L3MBTL4: variants seen among roughly 807,000 people sequenced by gnomAD.
L3MBTL4 encodes lethal(3)malignant brain tumor-like protein 4.
Under a neutral mutation model 84.5 loss-of-function variants are expected in L3MBTL4, and 70 were observed. That is an observed-to-expected ratio of 0.83 (90% CI 0.68 to 1.01). The LOEUF (loss-of-function observed/expected upper bound fraction) is 1.01, where lower values mean the gene tolerates loss of function less well. Among genes scored for constraint, L3MBTL4 ranks in the 50% least tolerant of loss-of-function variants. The pLI is 0.00. For synonymous variants in L3MBTL4, 274 were observed against 259.8 expected, an observed-to-expected ratio of 1.05 and a Z score of -0.52; for missense variants, 715 against 754.8, an observed-to-expected ratio of 0.95 and a Z score of 0.62.
At chr18:5,957,453 T>C (rs1487170029) in intron 18 of L3MBTL4, among the ~76,000 whole-genome samples, 20 of 151,734 alleles carry the variant, frequency 1.3e-4, no homozygotes, top group Admixed American at 1.3e-3. Context: ...AGGATGGCAG[T>C]GGCCACCGTG....
intron 14 of L3MBTL4, among the ~76,000 whole-genome samples, chr18:6,132,877 AGGCAAGCT>A (rs1184652573): frequency 6.6e-6 from 1 of 152,102 alleles, no homozygotes; most frequent in Non-Finnish European, 1.5e-5. Flanking sequence ...CCAGCGCAGG[AGGCAAGCT>A]GGCTTTGCTG....
chr18:6,358,389 C>T (rs929463409), intron 1 of L3MBTL4, among the ~76,000 whole-genome samples: 9 of 152,192 alleles, frequency 5.9e-5, no homozygotes, highest in African/African-American at 2.2e-4. Context: ...GGGCTGAGCT[C>T]ACACACTCCA....
Position 6,213,277 on chromosome 18 carries a change from A to C in L3MBTL4, c.871-18T>G. 5.6e-6 allele frequency: 8 copies of C among 1,420,962 alleles called. No homozygotes were observed. Among genetic ancestry groups the C allele is most frequent in the Non-Finnish European group, 7.8e-6 (8 of 1,026,562 alleles). The allele number at this position is 1,420,962 out of a possible 1,614,324, so 88.0% of individuals were successfully genotyped here. A position where few individuals can be genotyped will look rare whatever the true frequency, so the allele number is the denominator to read the frequency against. On this transcript the variant is annotated intron_variant, in intron 11 of 18. Transcript: ENST00000317931. ...GGCAACCTCTGTAAATGTTATTATA[A>C]GTACAACAAATCATGCAAAATTCAG...
chr18:6,296,252 TAATA>T (rs2050105867), intron 4 of L3MBTL4, among the ~76,000 whole-genome samples: 2 of 152,198 alleles, frequency 1.3e-5, no homozygotes, highest in African/African-American at 4.8e-5. Flanking sequence ...TACTCCCTGA[TAATA>T]AGTTAACCAC....
At chr18:6,409,772 T>C (rs1273707108) in intron 1 of L3MBTL4, among the ~76,000 whole-genome samples, 1 of 152,162 alleles carries the variant, frequency 6.6e-6, no homozygotes, top group Admixed American at 6.5e-5. Context: ...CTACACCAAG[T>C]TGTCACCTTA....
At chr18:6,022,935 C>T (rs998169585) in intron 16 of L3MBTL4, among the ~76,000 whole-genome samples, 1 of 152,316 alleles carries the variant, frequency 6.6e-6, no homozygotes, top group East Asian at 1.9e-4. Flanking sequence ...TTTGACTCTT[C>T]CCACCCTCAC....
At chr18:6,265,317 T>G (rs2048582877) in intron 4 of L3MBTL4, among the ~76,000 whole-genome samples, 1 of 152,216 alleles carries the variant, frequency 6.6e-6, no homozygotes, top group African/African-American at 2.4e-5. Flanking sequence ...TTATCATTTT[T>G]GAATAACAAA....
chr18:6,108,192 T>C (rs2059075515), intron 14 of L3MBTL4, among the ~76,000 whole-genome samples: 1 of 152,118 alleles, frequency 6.6e-6, no homozygotes, highest in Admixed American at 6.5e-5. Flanking sequence ...ATGACAGCCA[T>C]AAATGGTCGA....
At chr18:6,355,539 A>G (rs774531254) in intron 1 of L3MBTL4, among the ~76,000 whole-genome samples, 1 of 152,142 alleles carries the variant, frequency 6.6e-6, no homozygotes, top group Non-Finnish European at 1.5e-5. Flanking sequence ...AAAATAGATG[A>G]CTTGTCAAGA....
At chr18:6,188,619 G>A (rs1449142159) in intron 12 of L3MBTL4, among the ~76,000 whole-genome samples, 2 of 152,302 alleles carry the variant, frequency 1.3e-5, no homozygotes, top group South Asian at 2.1e-4. Context: ...TGTACCTGGA[G>A]GAGCTGAAGA....
intron 1 of L3MBTL4, among the ~76,000 whole-genome samples, chr18:6,324,748 GATC>G (rs111273424): frequency 0.2 from 30,488 of 151,926 alleles, 3,912 homozygotes; most frequent in African/African-American, 0.37. Flanking sequence ...GCCCAGCCTG[GATC>G]ATCAGCCCAA....
intron 7 of L3MBTL4, among the ~76,000 whole-genome samples, chr18:6,241,766 G>A (rs1258644773): frequency 1.3e-5 from 2 of 152,108 alleles, no homozygotes; most frequent in African/African-American, 4.8e-5. Flanking sequence ...GCTCTGATAC[G>A]GAGTCAGTAC....
intron 1 of L3MBTL4, among the ~76,000 whole-genome samples, chr18:6,314,906 G>C (rs2051017347): frequency 6.6e-6 from 1 of 152,196 alleles, no homozygotes; most frequent in African/African-American, 2.4e-5. Flanking sequence ...AGGGAGATAA[G>C]TATAGCAGCC....
intron 16 of L3MBTL4, among the ~76,000 whole-genome samples, chr18:6,037,040 T>C (rs2056173363): frequency 6.6e-6 from 1 of 152,190 alleles, no homozygotes; most frequent in Non-Finnish European, 1.5e-5. Flanking sequence ...TCACTTCAGT[T>C]GGTGGGGCTT....
intron 4 of L3MBTL4, among the ~76,000 whole-genome samples, chr18:6,299,403 T>C (rs559348580): frequency 2.0e-5 from 3 of 152,312 alleles, no homozygotes; most frequent in African/African-American, 7.2e-5. Flanking sequence ...AAGAAGAATG[T>C]TAATGTAGAA....
intron 4 of L3MBTL4, among the ~76,000 whole-genome samples, chr18:6,295,321 T>TAA (rs2050049674): frequency 8.4e-6 from 1 of 119,322 alleles, no homozygotes; most frequent in Non-Finnish European, 1.6e-5. Flanking sequence ...TCTCTCTCTC[T>TAA]CTCTCTCTCT....
At chr18:6,234,542 T>C (rs375296967) in intron 10 of L3MBTL4, among the ~76,000 whole-genome samples, 5 of 152,166 alleles carry the variant, frequency 3.3e-5, no homozygotes, top group Non-Finnish European at 7.4e-5. Flanking sequence ...AAGATATTTA[T>C]GCAGCCAATG....
intron 16 of L3MBTL4, chr18:6,030,530 ACT>A (rs1400070968): frequency 5.1e-5 from 46 of 909,512 alleles, no homozygotes; most frequent in Admixed American, 3.8e-4. Flanking sequence ...AAGGAGTCTC[ACT>A]CTGTCGCCCA....
chr18:6,122,535 C>T (rs542703604), intron 14 of L3MBTL4, among the ~76,000 whole-genome samples: 1 of 152,284 alleles, frequency 6.6e-6, no homozygotes, highest in African/African-American at 2.4e-5. Flanking sequence ...TTTTTGCCTG[C>T]CACCATCCAT....
Sources: gnomAD v4.1 joint callset for allele counts (sites outside exome capture counted in the v4.1 genomes callset) on GRCh38, gnomAD v4.1.1 for gene constraint, MANE v1.5 for transcripts, NCBI Gene and HGNC (gene_info 2026-07-23, HGNC 2026-07-21) for gene names.